The following CACNB2 variants were observed in gnomAD, a reference collection of about 807,000 sequenced individuals.
The protein encoded by CACNB2 is calcium voltage-gated channel auxiliary subunit beta 2.
Under a neutral mutation model 73.3 loss-of-function variants are expected in CACNB2, and 42 were observed. The observed-to-expected ratio is 0.57, with a 90% CI of 0.45 to 0.74. CACNB2 has a LOEUF of 0.74. Among genes scored for constraint, CACNB2 ranks in the 30% least tolerant of loss-of-function variants. CACNB2 has a pLI of 0.00. For synonymous variants in CACNB2, 348 were observed against 310.3 expected, an observed-to-expected ratio of 1.12 and a Z score of -1.28; for missense variants, 940 against 853.0, an observed-to-expected ratio of 1.10 and a Z score of -1.27.
chr10:18,371,339 A>C (rs946286947), intron 2 of CACNB2, among the ~76,000 whole-genome samples: 1 of 152,046 alleles, frequency 6.6e-6, no homozygotes, highest in Non-Finnish European at 1.5e-5. Context: ...TATATCTCCT[A>C]ATGCTATCCC....
At chr10:18,162,151 G>A (rs910865741) in intron 2 of CACNB2, among the ~76,000 whole-genome samples, 2 of 152,086 alleles carry the variant, frequency 1.3e-5, no homozygotes, top group African/African-American at 2.4e-5. Flanking sequence ...TTCACAGTAT[G>A]CTAAGATTAT....
rs79771428 is a variant in CACNB2 at position 18,316,468 on chromosome 10, C to CT, written c.214-85443dup. Among the ~76,000 whole-genome samples, 974 of 143,134 alleles carry CT rather than the reference C, an allele frequency of 6.8e-3. 8 individuals carry two copies. Among genetic ancestry groups the CT allele is most frequent in the African/African-American group, 0.021 (819 of 39,200 alleles). The allele number at this position is 143,134 out of a possible 152,430, so 93.9% of individuals were successfully genotyped here. On this transcript the variant is annotated intron_variant, in intron 2 of 13. Transcript: ENST00000324631. The stretch of plus-strand genomic sequence containing the variant: ...TCTTTCTTTTTTTCTTCCCCCCTCT[C>CT]TTTTTTTTTTTTTAAGACAGAGTCT...
rs753335762 is a variant in CACNB2 at position 18,539,740 on chromosome 10, G to GCTT, written c.*16_*17insCTT. ...CCGCCAATGAGTTTTGCCCGTTTGT[G>GCTT]TTTTTTTTTTTTTTTTTTTGAAGTC... On this transcript the variant is annotated 3_prime_UTR_variant, in exon 14 of 14. Transcript: ENST00000324631. 1.2e-5 allele frequency: 18 copies of GCTT among 1,449,354 alleles called. 1 individual carries two copies. Among genetic ancestry groups the GCTT allele is most frequent in the Non-Finnish European group, 1.1e-5 (12 of 1,077,900 alleles). 89.8% of individuals were successfully genotyped at this position (1,449,354 alleles called of 1,614,324 possible).
At chr10:18,292,484 C>T (rs560600502) in intron 2 of CACNB2, among the ~76,000 whole-genome samples, 72 of 152,136 alleles carry the variant, frequency 4.7e-4, no homozygotes, top group Non-Finnish European at 7.1e-4. Context: ...GGTAAAACCC[C>T]GTCCCTACTA....
chr10:18,480,920 T>C (rs2132837608), intron 3 of CACNB2, among the ~76,000 whole-genome samples: 1 of 152,230 alleles, frequency 6.6e-6, no homozygotes, highest in East Asian at 1.9e-4. Flanking sequence ...TAAAATGTTT[T>C]AGATATGTTT....
intron 2 of CACNB2, among the ~76,000 whole-genome samples, chr10:18,165,626 C>G (rs1363327851): frequency 6.6e-6 from 1 of 152,168 alleles, no homozygotes; most frequent in Admixed American, 6.5e-5. Context: ...TGGCCAGGTA[C>G]AGGTAGTATA....
At chr10:18,322,079 C>T (rs2131960323) in intron 2 of CACNB2, among the ~76,000 whole-genome samples, 2 of 152,132 alleles carry the variant, frequency 1.3e-5, no homozygotes. Flanking sequence ...TCTCTTGAGC[C>T]CAGGAGTTGG....
At chr10:18,491,101 C>T (rs1589524864) in intron 3 of CACNB2, among the ~76,000 whole-genome samples, 1 of 152,152 alleles carries the variant, frequency 6.6e-6, no homozygotes, top group Non-Finnish European at 1.5e-5. Context: ...TCTTTTTGTT[C>T]TTGCTTCTTG....
intron 2 of CACNB2, among the ~76,000 whole-genome samples, chr10:18,188,912 T>A (rs2034273986): frequency 6.6e-6 from 1 of 152,142 alleles, no homozygotes; most frequent in Non-Finnish European, 1.5e-5. Flanking sequence ...AGTACCAGAA[T>A]AGACTCTGAG....
chr10:18,321,241 T>C (rs1157327593), intron 2 of CACNB2, among the ~76,000 whole-genome samples: 1 of 152,152 alleles, frequency 6.6e-6, no homozygotes, highest in East Asian at 1.9e-4. Flanking sequence ...TCCCTCCACC[T>C]CCAACTGATG....
At chr10:18,393,163 C>T (rs920154437) in intron 2 of CACNB2, among the ~76,000 whole-genome samples, 3 of 146,802 alleles carry the variant, frequency 2.0e-5, no homozygotes, top group East Asian at 2.0e-4. Flanking sequence ...GAGCCGGGAT[C>T]GCCCCATTGT....
At chr10:18,405,021 G>T (rs2044209529) in intron 3 of CACNB2, among the ~76,000 whole-genome samples, 1 of 152,064 alleles carries the variant, frequency 6.6e-6, no homozygotes, top group South Asian at 2.1e-4. Flanking sequence ...TGCAAATCCT[G>T]GTCATTTCAG....
intron 3 of CACNB2, among the ~76,000 whole-genome samples, chr10:18,417,510 G>A (rs977898890): frequency 6.6e-6 from 1 of 151,084 alleles, no homozygotes; most frequent in Non-Finnish European, 1.5e-5. Flanking sequence ...CTGGGATTAC[G>A]GGCACACACC....
intron 3 of CACNB2, among the ~76,000 whole-genome samples, chr10:18,405,517 A>T (rs1473779069): frequency 6.6e-6 from 1 of 152,152 alleles, no homozygotes; most frequent in Admixed American, 6.5e-5. Context: ...CTTTGGAGTG[A>T]AATTGCTGGG....
intron 2 of CACNB2, among the ~76,000 whole-genome samples, chr10:18,298,106 C>G (rs56152004): frequency 0.16 from 24,955 of 152,026 alleles, 2,354 homozygotes; most frequent in Middle Eastern, 0.27. Context: ...TACTGGCTCA[C>G]GCCTGTAATC....
chr10:18,335,076 C>T (rs754880392), intron 2 of CACNB2, among the ~76,000 whole-genome samples: 7 of 151,316 alleles, frequency 4.6e-5, no homozygotes, highest in African/African-American at 9.7e-5. Context: ...TTCAGACATT[C>T]GTTACCTAAG....
chr10:18,311,081 T>C (rs2039946719), intron 2 of CACNB2, among the ~76,000 whole-genome samples: 1 of 152,210 alleles, frequency 6.6e-6, no homozygotes, highest in Non-Finnish European at 1.5e-5. Context: ...CTCTTGACTC[T>C]CTCTGAAGAT....
chr10:18,386,814 C>G (rs1299882832), intron 2 of CACNB2, among the ~76,000 whole-genome samples: 2 of 152,078 alleles, frequency 1.3e-5, no homozygotes, highest in Admixed American at 1.3e-4. Context: ...TATTGGAGAA[C>G]AGAGAATATG....
intron 3 of CACNB2, among the ~76,000 whole-genome samples, chr10:18,436,526 T>C (rs1420400833): frequency 6.6e-6 from 1 of 152,224 alleles, no homozygotes; most frequent in Non-Finnish European, 1.5e-5. Flanking sequence ...AGGTAAAAAT[T>C]GGCCCTTGAG....
Sources: gnomAD v4.1 joint callset for allele counts (sites outside exome capture counted in the v4.1 genomes callset) on GRCh38, gnomAD v4.1.1 for gene constraint, MANE v1.5 for transcripts, NCBI Gene and HGNC (gene_info 2026-07-23, HGNC 2026-07-21) for gene names.